Variants in UBE2E2 observed in about 807,000 individuals in gnomAD.
UBE2E2 encodes ubiquitin-conjugating enzyme E2 E2.
Under a neutral mutation model 24.7 loss-of-function variants are expected in UBE2E2, and 6 were observed. The observed-to-expected ratio is 0.24, with a 90% CI of 0.13 to 0.48. The LOEUF (loss-of-function observed/expected upper bound fraction) is 0.48. Among genes scored for constraint, UBE2E2 ranks in the 20% least tolerant of loss-of-function variants. UBE2E2 has a pLI of 0.99. For missense variants in UBE2E2, 169 were observed against 245.0 expected, an observed-to-expected ratio of 0.69 and a Z score of 2.07; for synonymous variants, 104 against 83.6, an observed-to-expected ratio of 1.24 and a Z score of -1.33.
chr3:23,376,998 G>A (rs948491739), intron 3 of UBE2E2, among the ~76,000 whole-genome samples: 4 of 152,144 alleles, frequency 2.6e-5, no homozygotes, highest in Non-Finnish European at 5.9e-5. Context: ...CTATGTAAGT[G>A]TTTGGAATCA....
chr3:23,541,680 T>C (rs1387036498), intron 5 of UBE2E2, among the ~76,000 whole-genome samples: 1 of 151,282 alleles, frequency 6.6e-6, no homozygotes, highest in Non-Finnish European at 1.5e-5. Context: ...TTTTGGAAAA[T>C]GCAATGGTTC....
chr3:23,511,137 A>G (rs1694585049), intron 4 of UBE2E2, among the ~76,000 whole-genome samples: 1 of 152,200 alleles, frequency 6.6e-6, no homozygotes, highest in Non-Finnish European at 1.5e-5. Flanking sequence ...CCCAGCTGAC[A>G]TTTTGAGCAA....
intron 3 of UBE2E2, among the ~76,000 whole-genome samples, chr3:23,469,109 C>A (rs998073635): frequency 1.3e-5 from 2 of 152,112 alleles, no homozygotes; most frequent in African/African-American, 4.8e-5. Flanking sequence ...TGTACAAGAT[C>A]AGGGAACTGG....
chr3:23,358,240 A>G (rs774725186), intron 3 of UBE2E2, among the ~76,000 whole-genome samples: 4 of 152,228 alleles, frequency 2.6e-5, no homozygotes, highest in African/African-American at 7.2e-5. Context: ...TGAATTAGCT[A>G]TGTTGAATGA....
chr3:23,386,136 T>G (rs573632044), intron 3 of UBE2E2, among the ~76,000 whole-genome samples: 2 of 152,224 alleles, frequency 1.3e-5, no homozygotes, highest in East Asian at 3.8e-4. Flanking sequence ...TTAGCCTGTT[T>G]GGAATGCCGT....
At chr3:23,361,527 G>A (rs1696113692) in intron 3 of UBE2E2, among the ~76,000 whole-genome samples, 1 of 152,214 alleles carries the variant, frequency 6.6e-6, no homozygotes, top group African/African-American at 2.4e-5. Flanking sequence ...GTTCTTTGCA[G>A]CAACTTAGAT....
At chr3:23,536,306 G>A (rs986243960) in intron 5 of UBE2E2, among the ~76,000 whole-genome samples, 3 of 152,158 alleles carry the variant, frequency 2.0e-5, no homozygotes, top group Non-Finnish European at 4.4e-5. Flanking sequence ...ACAATTAGAA[G>A]ATCAACAGTT....
intron 3 of UBE2E2, among the ~76,000 whole-genome samples, chr3:23,291,996 C>T (rs1445796344): frequency 1.3e-5 from 2 of 151,568 alleles, no homozygotes; most frequent in Non-Finnish European, 2.9e-5. Flanking sequence ...GTAGCTGGGA[C>T]TACAGGCGCC....
intron 3 of UBE2E2, among the ~76,000 whole-genome samples, chr3:23,299,596 G>A (rs1352110152): frequency 6.6e-6 from 1 of 152,192 alleles, no homozygotes; most frequent in Non-Finnish European, 1.5e-5. Flanking sequence ...GCACGGTTTT[G>A]AGTGAGTTTC....
intron 5 of UBE2E2, among the ~76,000 whole-genome samples, chr3:23,566,741 A>G (rs893817751): frequency 6.6e-6 from 1 of 151,434 alleles, no homozygotes; most frequent in African/African-American, 2.4e-5. Flanking sequence ...TGAGGGATCC[A>G]CCCCCCTGAC....
intron 3 of UBE2E2, among the ~76,000 whole-genome samples, chr3:23,349,569 C>T (rs532008930): frequency 1.3e-5 from 2 of 152,336 alleles, no homozygotes; most frequent in South Asian, 4.1e-4. Flanking sequence ...AAACGGCGCA[C>T]CAGGAGATTA....
At chr3:23,343,698 T>C (rs1487302167) in intron 3 of UBE2E2, among the ~76,000 whole-genome samples, 1 of 152,216 alleles carries the variant, frequency 6.6e-6, no homozygotes, top group Non-Finnish European at 1.5e-5. Context: ...AAAAGAACAT[T>C]GCCAGCCCTC....
chr3:23,479,734 G>A (rs571849417), intron 3 of UBE2E2, among the ~76,000 whole-genome samples: 133 of 152,284 alleles, frequency 8.7e-4, no homozygotes, highest in African/African-American at 2.9e-3. Context: ...CTTTTTGCAG[G>A]CAGCTTGTCC....
intron 3 of UBE2E2, among the ~76,000 whole-genome samples, chr3:23,237,055 C>T (rs940394829): frequency 2.0e-5 from 3 of 152,134 alleles, no homozygotes; most frequent in Non-Finnish European, 2.9e-5. Flanking sequence ...GGCTAGACTA[C>T]GTATACATAG....
intron 4 of UBE2E2, among the ~76,000 whole-genome samples, chr3:23,504,233 C>T (rs1036225691): frequency 6.6e-6 from 1 of 152,076 alleles, no homozygotes; most frequent in Non-Finnish European, 1.5e-5. Context: ...ATTTTCATCC[C>T]GTGCCATATA....
chr3:23,310,731 C>T (rs368129145), intron 3 of UBE2E2, among the ~76,000 whole-genome samples: 10 of 152,078 alleles, frequency 6.6e-5, no homozygotes, highest in Non-Finnish European at 8.8e-5. Context: ...TATAAAAGTA[C>T]GTACATGCAT....
intron 5 of UBE2E2, among the ~76,000 whole-genome samples, chr3:23,584,581 G>T (rs1280723336): frequency 6.6e-6 from 1 of 151,516 alleles, no homozygotes; most frequent in African/African-American, 2.4e-5. Flanking sequence ...TGGAAAGACG[G>T]TCTCGCTCTT....
intron 3 of UBE2E2, among the ~76,000 whole-genome samples, chr3:23,334,208 G>A (rs1370861982): frequency 1.3e-5 from 2 of 152,052 alleles, no homozygotes; most frequent in African/African-American, 4.8e-5. Flanking sequence ...TAATAAAATA[G>A]TCTGTACTGA....
intron 3 of UBE2E2, among the ~76,000 whole-genome samples, chr3:23,367,938 G>A (rs1696304553): frequency 6.6e-6 from 1 of 152,198 alleles, no homozygotes; most frequent in Non-Finnish European, 1.5e-5. Context: ...TTTGCTCACA[G>A]AAATCTTCTG....
Sources: allele counts gnomAD v4.1 joint callset (sites outside exome capture counted in the v4.1 genomes callset), GRCh38; gene constraint gnomAD v4.1.1; transcripts MANE v1.5; gene names NCBI Gene and HGNC (gene_info 2026-07-23, HGNC 2026-07-21).